The following PRUNE2 variants were observed in gnomAD, a reference collection of about 807,000 sequenced individuals.
PRUNE2 encodes the protein prune homolog 2 with BCH domain, also known as protein prune homolog 2.
A neutral mutation model predicts 252.0 loss-of-function variants in PRUNE2; 164 were observed. The observed-to-expected ratio is 0.65, with a 90% CI of 0.57 to 0.74. The LOEUF (loss-of-function observed/expected upper bound fraction) is 0.74. Among genes scored for constraint, PRUNE2 ranks in the 30% least tolerant of loss-of-function variants. The pLI is 0.00. For missense variants in PRUNE2, 3,495 were observed against 3,711.0 expected, an observed-to-expected ratio of 0.94 and a Z score of 1.51; for synonymous variants, 1,292 against 1,350.2, an observed-to-expected ratio of 0.96 and a Z score of 0.94.
intron 18 of PRUNE2, among the ~76,000 whole-genome samples, chr9:76,615,838 C>T (rs1475495932): frequency 1.6e-5 from 2 of 124,844 alleles, no homozygotes; most frequent in South Asian, 2.9e-4. Context: ...GGTGCGATCT[C>T]GGCTTACTGC....
intron 6 of PRUNE2, among the ~76,000 whole-genome samples, chr9:76,716,140 T>C (rs1271471278): frequency 6.6e-6 from 1 of 152,160 alleles, no homozygotes; most frequent in East Asian, 1.9e-4. Flanking sequence ...GAGCATAAGA[T>C]TAAGAATCAG....
chr9:76,662,840 T>C (rs1355546291), intron 9 of PRUNE2, among the ~76,000 whole-genome samples: 2 of 152,236 alleles, frequency 1.3e-5, no homozygotes, highest in African/African-American at 4.8e-5. Flanking sequence ...ATCTCTTGTG[T>C]TAAGAGTTCC....
chr9:76,759,460 T>TGAGCAGAAGAGCAGAGGGA (rs2051479932), intron 6 of PRUNE2: 1 of 152,370 alleles, frequency 6.6e-6, no homozygotes, highest in African/African-American at 2.4e-5. Context: ...CATGAGCAGA[T>TGAGCAGAAGAGCAGAGGGA]GAGCAGAAGA....
chr9:76,727,827 C>T (rs2048249792), intron 6 of PRUNE2, among the ~76,000 whole-genome samples: 1 of 147,342 alleles, frequency 6.8e-6, no homozygotes, highest in African/African-American at 2.5e-5. Flanking sequence ...GATCCTTCCA[C>T]CTCAGCCTCC....
At chr9:76,756,738 T>C (rs1444518568) in intron 6 of PRUNE2, among the ~76,000 whole-genome samples, 1 of 152,182 alleles carries the variant, frequency 6.6e-6, no homozygotes, top group Non-Finnish European at 1.5e-5. Flanking sequence ...TGCAAACCTT[T>C]GTCATGGAAG....
Position 76,846,581 on chromosome 9 carries a change from C to G in PRUNE2, c.442G>C (p.Val148Leu), listed in dbSNP as rs765205658. 3 of 1,614,076 alleles carry G rather than the reference C, an allele frequency of 1.9e-6. No homozygotes were observed. The highest frequency in any genetic ancestry group is 1.6e-4 in the Middle Eastern group (1 of 6,062). The change falls in exon 4 of 19, where the codon GTG becomes CTG. Residue 148 changes from valine to leucine, a missense_variant. Val to Leu is a conservative substitution (Grantham distance 32). Coordinates refer to ENST00000376718, the MANE Select transcript of PRUNE2 (RefSeq NM_015225.3). ...VEFRESSSSL[V>L]LKEILQEAPE... ...GCCTCTTGGAGAATCTCCTTTAGCA[C>G]GAGAGAAGAGGAAGACTCTCGGAAC...
rs144378754 is a variant in PRUNE2, at chr9:76,704,212, ATATTT to A, written c.7514-118_7514-114del. 3.0e-5 allele frequency: 12 copies of A among 404,088 alleles called. 1 individual carries two copies. In the South Asian group the frequency reaches 6.0e-4, roughly 20 times the overall value. The allele number at this position is 404,088 out of a possible 1,614,324, so 25.0% of individuals were successfully genotyped here. A position where few individuals can be genotyped will look rare whatever the true frequency, so the allele number is the denominator to read the frequency against. On this transcript the variant is annotated intron_variant, in intron 8 of 18. Transcript: ENST00000376718. ...AAAGAGGTAATTTAATATTTTTTATATATTTTATTTATTTATTCATTCATTCATTT... is the reference window on the plus strand; with the variant it reads ...AAAGAGGTAATTTAATATTTTTTATATATTTATTTATTCATTCATTCATTT...
intron 6 of PRUNE2, among the ~76,000 whole-genome samples, chr9:76,796,390 A>AG (rs1488218885): frequency 2.6e-5 from 4 of 152,170 alleles, no homozygotes; most frequent in African/African-American, 9.7e-5. Context: ...CTCATGCCCC[A>AG]GGAAGGATAG....
At chr9:76,680,636 C>G (rs773661767) in intron 9 of PRUNE2, among the ~76,000 whole-genome samples, 1 of 152,182 alleles carries the variant, frequency 6.6e-6, no homozygotes, top group African/African-American at 2.4e-5. Context: ...TAGGTGGAAG[C>G]AACTCAAGCG....
chr9:76,784,411 G>A (rs372454753), intron 6 of PRUNE2: 14 of 152,342 alleles, frequency 9.2e-5, no homozygotes, highest in African/African-American at 3.4e-4. Flanking sequence ...CCAAGCTGGG[G>A]AGGAGATAAC....
At chr9:76,885,237 A>T (rs1020596782) in intron 1 of PRUNE2, among the ~76,000 whole-genome samples, 5 of 152,248 alleles carry the variant, frequency 3.3e-5, no homozygotes, top group Admixed American at 2.6e-4. Context: ...TCATATGAAG[A>T]CATAATGGTG....
At chr9:76,853,378 C>T (rs1369456478) in intron 2 of PRUNE2, among the ~76,000 whole-genome samples, 1 of 152,172 alleles carries the variant, frequency 6.6e-6, no homozygotes, top group Non-Finnish European at 1.5e-5. Flanking sequence ...TTGAAAATAA[C>T]ACCTAGACAC....
intron 4 of PRUNE2, among the ~76,000 whole-genome samples, chr9:76,837,803 G>T (rs1187511173): frequency 1.4e-5 from 2 of 141,610 alleles, no homozygotes; most frequent in South Asian, 2.2e-4. Flanking sequence ...ACGGAGTCTT[G>T]CTCTGTCGCC....
intron 17 of PRUNE2, among the ~76,000 whole-genome samples, chr9:76,622,142 G>A (rs1832636488): frequency 6.6e-6 from 1 of 152,170 alleles, no homozygotes; most frequent in Non-Finnish European, 1.5e-5. Flanking sequence ...TGAATGTTAT[G>A]CAAATTCATT....
Position 76,854,150 on chromosome 9 carries a change from A to C in PRUNE2, c.95T>G (p.Leu32Trp). ...TGTGAAGGTAGAAATGAGAGAATCC[A>C]AGTCACACGATTTAGGCCCAATAAC... is the stretch of plus-strand genomic sequence containing the variant. ...HVVIGPKSCD[L>W]DSLISTFTYA... The change falls in exon 2 of 19, where the codon TTG becomes TGG. Residue 32 changes from leucine (L) to tryptophan (W), a missense_variant. Coordinates refer to ENST00000376718, the MANE Select transcript of PRUNE2 (RefSeq NM_015225.3). 6.2e-7 allele frequency: 1 copy of C among 1,605,834 alleles called. No homozygotes were observed. Among genetic ancestry groups the C allele is most frequent in the Non-Finnish European group, 8.5e-7 (1 of 1,174,504 alleles).
chr9:76,802,695 G>C (rs374128480), intron 6 of PRUNE2, among the ~76,000 whole-genome samples: 1 of 151,896 alleles, frequency 6.6e-6, no homozygotes, highest in African/African-American at 2.4e-5. Context: ...TCAAAAGTTC[G>C]AACTTACAAA....
chr9:76,641,558 G>A (rs1343937081), intron 12 of PRUNE2, among the ~76,000 whole-genome samples: 1 of 152,070 alleles, frequency 6.6e-6, no homozygotes, highest in Non-Finnish European at 1.5e-5. Context: ...ACCTTGAAGG[G>A]GTCAGCTAAC....
chr9:76,715,706 T>C (rs563309145), intron 6 of PRUNE2, among the ~76,000 whole-genome samples: 4 of 152,316 alleles, frequency 2.6e-5, no homozygotes, highest in Admixed American at 2.0e-4. Context: ...GTTTAAAAAA[T>C]TAATTCATCC....
At chr9:76,654,726 A>G (rs1028991407) in intron 10 of PRUNE2, among the ~76,000 whole-genome samples, 1 of 152,232 alleles carries the variant, frequency 6.6e-6, no homozygotes, top group Non-Finnish European at 1.5e-5. Flanking sequence ...ATATTTGGCC[A>G]TAGAACATTT....
Sources: gnomAD v4.1 joint callset for allele counts (sites outside exome capture counted in the v4.1 genomes callset) on GRCh38, gnomAD v4.1.1 for gene constraint, MANE v1.5 for transcripts, NCBI Gene and HGNC (gene_info 2026-07-23, HGNC 2026-07-21) for gene names.